Variants in PDE4D observed in about 807,000 individuals in gnomAD.
PDE4D encodes 3',5'-cyclic-AMP phosphodiesterase 4D.
PDE4D carries 24 observed loss-of-function variants against 87.4 expected under a neutral mutation model. The ratio of observed to expected loss-of-function variants is 0.27; its 90% CI spans 0.20 to 0.39. The LOEUF (loss-of-function observed/expected upper bound fraction) is 0.39. Among genes scored for constraint, PDE4D ranks in the 10% least tolerant of loss-of-function variants. The pLI is 1.00. For missense variants in PDE4D, 714 were observed against 1,041.0 expected, an observed-to-expected ratio of 0.69 and a Z score of 4.32; for synonymous variants, 384 against 383.2, an observed-to-expected ratio of 1.00 and a Z score of -0.02.
intron 2 of PDE4D, among the ~76,000 whole-genome samples, chr5:60,140,162 A>G (rs1712135731): frequency 6.6e-6 from 1 of 152,094 alleles, no homozygotes. Context: ...ATTGTTGCAG[A>G]CCATTTTTTT....
intron 2 of PDE4D, among the ~76,000 whole-genome samples, chr5:60,156,109 G>A (rs1339166868): frequency 1.3e-5 from 2 of 152,182 alleles, no homozygotes; most frequent in African/African-American, 4.8e-5. Flanking sequence ...AGGCCAGGAA[G>A]AACTTTCTGT....
intron 2 of PDE4D, among the ~76,000 whole-genome samples, chr5:59,210,681 T>C (rs1333776088): frequency 2.0e-5 from 3 of 152,204 alleles, no homozygotes; most frequent in African/African-American, 7.2e-5. Context: ...CTGAATGCAT[T>C]CACCCCACCC....
intron 1 of PDE4D, among the ~76,000 whole-genome samples, chr5:59,457,379 T>C (rs1170743529): frequency 6.6e-6 from 1 of 152,212 alleles, no homozygotes; most frequent in Non-Finnish European, 1.5e-5. Flanking sequence ...CACGTTGTCT[T>C]CTAGACATGC....
intron 1 of PDE4D, among the ~76,000 whole-genome samples, chr5:60,392,209 T>C (rs1158469907): frequency 6.6e-6 from 1 of 152,170 alleles, no homozygotes; most frequent in Non-Finnish European, 1.5e-5. Context: ...GTTTTTATTG[T>C]TTTGCTCCTC....
intron 1 of PDE4D, among the ~76,000 whole-genome samples, chr5:59,545,294 C>T (rs1817076946): frequency 6.6e-6 from 1 of 152,054 alleles, no homozygotes; most frequent in Admixed American, 6.6e-5. Context: ...TGCAGCCAGT[C>T]AGCAACAGTG....
At chr5:59,930,182 A>G (rs1006446587) in intron 3 of PDE4D, among the ~76,000 whole-genome samples, 1 of 151,778 alleles carries the variant, frequency 6.6e-6, no homozygotes, top group Non-Finnish European at 1.5e-5. Flanking sequence ...AAAAAAAAAA[A>G]AAAACCGGCC....
At chr5:59,333,875 G>A (rs1777171583) in intron 1 of PDE4D, among the ~76,000 whole-genome samples, 1 of 151,898 alleles carries the variant, frequency 6.6e-6, no homozygotes, top group South Asian at 2.1e-4. Flanking sequence ...ACCCAGGTCA[G>A]TAATCTCATT....
At chr5:59,087,801 T>C (rs957163443) in intron 5 of PDE4D, among the ~76,000 whole-genome samples, 1 of 152,134 alleles carries the variant, frequency 6.6e-6, no homozygotes, top group Non-Finnish European at 1.5e-5. Context: ...GCTCGAACTA[T>C]TGACCCCCAA....
chr5:59,356,651 T>A, intron 1 of PDE4D: 1 of 815,096 alleles, frequency 1.2e-6, no homozygotes, highest in Non-Finnish European at 1.8e-6. Context: ...ATTGTCAATT[T>A]AACAAGCATT....
chr5:59,141,618 C>A (rs79999844), intron 5 of PDE4D, among the ~76,000 whole-genome samples: 5,918 of 152,182 alleles, frequency 0.039, 349 homozygotes, highest in African/African-American at 0.12. Context: ...TTTTTGAAGA[C>A]TATTTATTTG....
chr5:59,700,803 C>CTAA (rs1266625079), intron 1 of PDE4D, among the ~76,000 whole-genome samples: 1 of 152,188 alleles, frequency 6.6e-6, no homozygotes, highest in African/African-American at 2.4e-5. Flanking sequence ...ATCCACTAAA[C>CTAA]ATTTATGAAA....
intron 2 of PDE4D, among the ~76,000 whole-genome samples, chr5:60,092,395 T>A (rs1307150547): frequency 1.3e-5 from 2 of 152,108 alleles, no homozygotes; most frequent in African/African-American, 4.8e-5. Context: ...AAGGTGGCAA[T>A]AGTAATTTAT....
chr5:59,106,802 G>A (rs1488172781), intron 5 of PDE4D, among the ~76,000 whole-genome samples: 1 of 152,098 alleles, frequency 6.6e-6, no homozygotes, highest in Non-Finnish European at 1.5e-5. Flanking sequence ...ATTTTACAAA[G>A]TTAAATATAT....
chr5:60,119,647 C>T (rs1778491261), intron 2 of PDE4D, among the ~76,000 whole-genome samples: 1 of 152,118 alleles, frequency 6.6e-6, no homozygotes, highest in African/African-American at 2.4e-5. Context: ...ACTCATAAGG[C>T]TGTTTGGGGA....
chr5:60,394,602 C>T (rs548767621), intron 1 of PDE4D, among the ~76,000 whole-genome samples: 6 of 152,156 alleles, frequency 3.9e-5, no homozygotes, highest in Non-Finnish European at 8.8e-5. Context: ...CTCTAATCAA[C>T]AAAAGCTAAG....
chr5:59,140,210 CAGATT>C (rs1777692373), intron 5 of PDE4D, among the ~76,000 whole-genome samples: 1 of 152,326 alleles, frequency 6.6e-6, no homozygotes, highest in African/African-American at 2.4e-5. Context: ...ATGCTGGGAG[CAGATT>C]AAGTAGTTAT....
intron 1 of PDE4D, among the ~76,000 whole-genome samples, chr5:59,765,787 T>G (rs1381548832): frequency 6.6e-6 from 1 of 152,208 alleles, no homozygotes; most frequent in African/African-American, 2.4e-5. Flanking sequence ...AAATTCACTG[T>G]GTCAATCCAA....
chr5:59,060,290 C>T (rs1053332457), intron 5 of PDE4D, among the ~76,000 whole-genome samples: 1 of 152,064 alleles, frequency 6.6e-6, no homozygotes, highest in African/African-American at 2.4e-5. Context: ...ATATTAACCT[C>T]GGACTGCCAA....
chr5:59,827,358 T>C (rs1448601333), intron 1 of PDE4D, among the ~76,000 whole-genome samples: 1 of 152,098 alleles, frequency 6.6e-6, no homozygotes, highest in East Asian at 1.9e-4. Flanking sequence ...TAAAGAAGTA[T>C]TCTGTTGCAG....
Sources: allele counts gnomAD v4.1 joint callset (sites outside exome capture counted in the v4.1 genomes callset), GRCh38; gene constraint gnomAD v4.1.1; transcripts MANE v1.5; gene names NCBI Gene and HGNC (gene_info 2026-07-23, HGNC 2026-07-21).